The following SNORC variants were observed in gnomAD, a reference collection of about 807,000 sequenced individuals.
SNORC encodes protein SNORC.
SNORC carries 11 observed loss-of-function variants against 9.7 expected under a neutral mutation model. That is an observed-to-expected ratio of 1.14 (90% CI 0.72 to 1.88). SNORC has a LOEUF of 1.88. SNORC is among the 40% of genes most tolerant of loss of function. SNORC has a pLI of 0.00. For synonymous variants in SNORC, 108 were observed against 88.7 expected, an observed-to-expected ratio of 1.22 and a Z score of -1.22; for missense variants, 197 against 173.1, an observed-to-expected ratio of 1.14 and a Z score of -0.77.
Position 232,876,223 on chromosome 2 carries a change from GAC to G in SNORC, c.257-22_257-21del. ...GCCGGCCAGGCGGGGGCTAGCAGGT[GAC>G]ATGGTCCTCCGTCCTCCGCAGGGTC... On this transcript the variant is annotated intron_variant, in intron 2 of 2. Coordinates refer to ENST00000331342, the Ensembl canonical transcript of SNORC. This position sits in a 1 kb window ranked among gnomAD's most constrained non-coding sequence, Gnocchi z 6.8. The G allele has an allele frequency of 6.7e-7, 1 of 1,494,428 alleles. No individual in the cohort carries two copies. The highest frequency in any genetic ancestry group is 8.9e-7 in the Non-Finnish European group (1 of 1,128,856). 92.6% of individuals were successfully genotyped at this position (1,494,428 alleles called of 1,614,324 possible). A position where few individuals can be genotyped will look rare whatever the true frequency, so the allele number is the denominator to read the frequency against.
chr2:232,870,392 T>C, exon 1 of SNORC: 5 of 1,572,050 alleles, frequency 3.2e-6, no homozygotes, highest in Non-Finnish European at 4.3e-6. Flanking sequence ...TCTCCGGGGT[T>C]CTGGCCCCTG....
chr2:232,874,155 A>G (rs1410558304), intron 1 of SNORC, among the ~76,000 whole-genome samples: 1 of 152,238 alleles, frequency 6.6e-6, no homozygotes, highest in African/African-American at 2.4e-5. Context: ...GAAAAGTTGC[A>G]CAAATACTCC....
chr2:232,877,320 C>T, downstream of SNORC: 1 of 985,430 alleles, frequency 1.0e-6, no homozygotes, highest in Admixed American at 6.1e-5. Flanking sequence ...GGGTGAGGAG[C>T]CTGGTCCAGG....
intron 1 of SNORC, 80 bp from the exon 2 acceptor site, chr2:232,875,860 T>C (rs1272740022): frequency 8.5e-6 from 12 of 1,417,482 alleles, no homozygotes. Context: ...TACCGGCAAC[T>C]TGCTTAACCT....
intron 1 of SNORC, 145 bp downstream of exon 1, chr2:232,870,559 T>C: frequency 1.3e-6 from 1 of 787,614 alleles, no homozygotes; most frequent in Non-Finnish European, 2.0e-6. Flanking sequence ...TGCGAAGAGC[T>C]CTTGTGAGGC....
upstream of SNORC, among the ~76,000 whole-genome samples, chr2:232,868,048 A>G (rs1005714466): frequency 1.3e-5 from 2 of 151,808 alleles, no homozygotes; most frequent in Admixed American, 6.6e-5. Context: ...GTAAATACAG[A>G]TTTCTGCTCA....
chr2:232,869,916 T>C (rs1215368701), upstream of SNORC: 1 of 289,782 alleles, frequency 3.5e-6, no homozygotes, highest in African/African-American at 2.3e-5. Flanking sequence ...TTCCCTGGGC[T>C]ACCCAAGCCC....
At chr2:232,871,755 C>T (rs774634109) in intron 1 of SNORC, among the ~76,000 whole-genome samples, 1 of 152,200 alleles carries the variant, frequency 6.6e-6, no homozygotes, top group African/African-American at 2.4e-5. Flanking sequence ...CTTTGCAGCC[C>T]CCTCACTGGG....
At chr2:232,867,224 G>A (rs1167585172), upstream of SNORC, among the ~76,000 whole-genome samples, 2 of 152,158 alleles carry the variant, frequency 1.3e-5, no homozygotes, top group Non-Finnish European at 2.9e-5. Flanking sequence ...CCTGTCTGTC[G>A]AATGACTAGT....
At chr2:232,876,486 G>A (rs1691250435), downstream of SNORC, 1 of 1,319,956 alleles carries the variant, frequency 7.6e-7, no homozygotes, top group Admixed American at 4.2e-5. The surrounding 1 kb of genome is among the most constrained non-coding windows in gnomAD (Gnocchi z 6.8). Flanking sequence ...GAGCGCTCAG[G>A]GCGGGGGTGC....
chr2:232,871,904 G>C (rs987266137), intron 1 of SNORC, among the ~76,000 whole-genome samples: 1 of 152,110 alleles, frequency 6.6e-6, no homozygotes, highest in South Asian at 2.1e-4. Flanking sequence ...CCAGGCTGCC[G>C]GCCAGAGTTC....
chr2:232,873,940 C>T (rs1691122143), intron 1 of SNORC, among the ~76,000 whole-genome samples: 1 of 152,330 alleles, frequency 6.6e-6, no homozygotes, highest in Non-Finnish European at 1.5e-5. Context: ...GGCCAATGGG[C>T]CTTCCACCCA....
In SNORC at chr2:232,871,560, C is replaced by T. The variant is rs558625977; in HGVS notation, c.73+1146C>T. On this transcript the variant is annotated intron_variant, in intron 1 of 2. Coordinates refer to ENST00000331342, the Ensembl canonical transcript of SNORC. ...GCGAATGTGGATTCTGTGGTCCGAG[C>T]CCCTCCCTGGCACAGGGTGGTCTCA... Among the ~76,000 whole-genome samples, 8 of 152,318 alleles carry T rather than the reference C, an allele frequency of 5.3e-5. No homozygotes were observed. The East Asian group carries it at 1.5e-3, about 29-fold the overall frequency.
At chr2:232,870,511 C>T (rs1040903631) in intron 1 of SNORC, 97 bp downstream of exon 1, 1 of 1,191,634 alleles carries the variant, frequency 8.4e-7, no homozygotes, top group Admixed American at 2.1e-5. Context: ...GGGAGGAAGC[C>T]CTCTCACAGG....
intron 1 of SNORC, among the ~76,000 whole-genome samples, chr2:232,873,213 AGGTGGATTGGG>A (rs1691096985): frequency 1.3e-5 from 2 of 152,240 alleles, no homozygotes; most frequent in African/African-American, 2.4e-5. Flanking sequence ...CAGGTCAGGA[AGGTGGATTGGG>A]GCATGGAGCA....
chr2:232,876,418 A>ATGTCCGCGCGTGCG (rs1489896717), downstream of SNORC: 43 of 1,464,872 alleles, frequency 2.9e-5, no homozygotes, highest in South Asian at 9.1e-5. This position sits in a 1 kb window ranked among gnomAD's most constrained non-coding sequence, Gnocchi z 6.8. Flanking sequence ...ACGCGCCTGT[A>ATGTCCGCGCGTGCG]TGTCCGCGCG....
At chr2:232,874,488 C>A (rs771976052) in intron 1 of SNORC, among the ~76,000 whole-genome samples, 1 of 152,226 alleles carries the variant, frequency 6.6e-6, no homozygotes, top group Non-Finnish European at 1.5e-5. Flanking sequence ...TGGAACCTTT[C>A]GGCCTTTCTT....
intron 1 of SNORC, among the ~76,000 whole-genome samples, chr2:232,872,585 G>T (rs1276573638): frequency 6.6e-6 from 1 of 152,160 alleles, no homozygotes; most frequent in Non-Finnish European, 1.5e-5. Flanking sequence ...CCTCATTACC[G>T]CCATGGAACT....
At chr2:232,871,492 C>T (rs980843088) in intron 1 of SNORC, among the ~76,000 whole-genome samples, 1 of 152,192 alleles carries the variant, frequency 6.6e-6, no homozygotes, top group Admixed American at 6.5e-5. Flanking sequence ...CTCGTGAGTT[C>T]AGACGTGCGG....
Sources: allele counts gnomAD v4.1 joint callset (sites outside exome capture counted in the v4.1 genomes callset), GRCh38; gene constraint gnomAD v4.1.1; non-coding constraint Gnocchi (gnomAD v3.1); transcripts MANE v1.5; gene names NCBI Gene and HGNC (gene_info 2026-07-23, HGNC 2026-07-21).